The following CCDC9 variants were observed in gnomAD, a reference collection of about 807,000 sequenced individuals.
CCDC9 encodes coiled-coil domain-containing protein 9.
Under a neutral mutation model 65.6 loss-of-function variants are expected in CCDC9, and 52 were observed. That is an observed-to-expected ratio of 0.79 (90% confidence interval 0.63 to 1.00). CCDC9 has a LOEUF of 1.00. Among genes scored for constraint, CCDC9 ranks in the 50% least tolerant of loss-of-function variants. CCDC9 has a pLI of 0.00. For synonymous variants in CCDC9, 332 were observed against 280.3 expected (o/e 1.18, Z -1.84); for missense variants, 834 against 757.2 (o/e 1.10, Z -1.19).
At chr19:47,267,258 G>A (rs1036978013) in intron 8 of CCDC9, among the ~76,000 whole-genome samples, 7 of 151,242 alleles carry the variant, frequency 4.6e-5, no homozygotes, top group Admixed American at 1.3e-4. Context: ...GCCACCGCGC[G>A]CGGCCGAGCA....
chr19:47,260,810 G>A lies in CCDC9; in HGVS notation c.433G>A (p.Asp145Asn), dbSNP rs201974732. 2.5e-5 allele frequency: 40 copies of A among 1,613,354 alleles called. No individual in the cohort carries two copies. The highest frequency in any genetic ancestry group is 6.7e-5 in the Admixed American group (4 of 59,818). ...TTCACCTCACCTCTCTGGAGCTGGAGACACCTCAATCTCTGACCGTAAATC... is the reference window on the plus strand; with the variant it reads ...TTCACCTCACCTCTCTGGAGCTGGAAACACCTCAATCTCTGACCGTAAATC... ...RGSPHLSGAGDTSISDRKSKE... is the reference protein window; with the variant it reads ...RGSPHLSGAGNTSISDRKSKE... Residue 145 changes from aspartate to asparagine, a missense_variant, in exon 5 of 12, where the codon GAC (aspartate) becomes AAC (asparagine). By Grantham distance (23) the Asp-to-Asn change is conservative. Transcript: ENST00000221922.
chr19:47,272,102 GT>G (rs1380677881), downstream of CCDC9: 3 of 1,236,076 alleles, frequency 2.4e-6, no homozygotes, highest in Non-Finnish European at 3.0e-6. Flanking sequence ...TTCCCGGAGA[GT>G]GGGCCCAGCC....
In CCDC9 at chr19:47,271,826, C is replaced by T. The variant is rs2059126031; in HGVS notation, c.*148C>T. The T allele has an allele frequency of 1.4e-6, 2 of 1,427,922 alleles. No homozygotes were observed. Among genetic ancestry groups the T allele is most frequent in the Admixed American group, 2.9e-5 (1 of 34,832 alleles). The allele number at this position is 1,427,922 out of a possible 1,614,324, so 88.5% of individuals were successfully genotyped here. ...CTGGGACCCAGTGTGCCCCACAGCC[C>T]TGTCAGCTGAGGGGGTAGCGCAGCC... On this transcript the variant is annotated 3_prime_UTR_variant, in exon 12 of 12. Transcript: ENST00000221922.
At chr19:47,269,800 A>G (rs1278763617) in intron 8 of CCDC9, among the ~76,000 whole-genome samples, 1 of 152,014 alleles carries the variant, frequency 6.6e-6, no homozygotes, top group Non-Finnish European at 1.5e-5. Context: ...TTAGCTGGAG[A>G]GGTGAGGGAG....
chr19:47,273,829 C>T (rs1005705599), downstream of CCDC9: 2 of 312,334 alleles, frequency 6.4e-6, no homozygotes, highest in Non-Finnish European at 9.8e-6. Context: ...CGCAGTGCTT[C>T]CGCTCACCCT....
rs749365757 is a variant in CCDC9 at position 47,260,704 on chromosome 19, G to A, written c.327G>A (p.Ser109=). Residue 109 remains serine (S), a synonymous_variant, in exon 5 of 12, where the codon TCG becomes TCA. Coordinates refer to ENST00000221922, the MANE Select transcript of CCDC9 (RefSeq NM_015603.3). ...QGGRAGMGRA[S]RSWEGSPGEQ... ...GCCGGGCCGGCATGGGCCGAGCATC[G>A]CGCAGCTGGGAGGGCAGCCCCGGGG... 7.0e-6 allele frequency: 11 copies of A among 1,574,088 alleles called. No homozygotes were observed. The highest frequency in any genetic ancestry group is 3.8e-5 in the Admixed American group (2 of 52,532).
At chr19:47,271,030 T>A in intron 10 of CCDC9, 52 bp from the exon 11 acceptor site, 1 of 1,340,116 alleles carries the variant, frequency 7.5e-7, no homozygotes, top group Non-Finnish European at 1.0e-6. Context: ...GGAAGCCCCT[T>A]CCTCCTGTCT....
At position 47,264,775 on chromosome 19, in the gene CCDC9, A is replaced by G; in HGVS notation, c.549A>G (p.Glu183=). 2 of 1,604,988 alleles carry G rather than the reference A, an allele frequency of 1.2e-6. No individual in the cohort carries two copies. ...KIAEYERNQR[E]GVLEPNPVRN... Reference sequence around the variant, plus strand: ...ACCCCCTGCTCTGCTGCCTGCAGGAAGGGGTTCTTGAACCCAACCCAGTGC... The same window carrying G: ...ACCCCCTGCTCTGCTGCCTGCAGGAGGGGGTTCTTGAACCCAACCCAGTGC... The change falls in exon 7 of 12, where the codon GAA becomes GAG. Residue 183 remains glutamate (E), a splice_region_variant and synonymous_variant. Coordinates refer to ENST00000221922, the MANE Select transcript of CCDC9 (RefSeq NM_015603.3).
At position 47,260,417 on chromosome 19, in the gene CCDC9, G is replaced by T; in HGVS notation, c.205G>T (p.Glu69Ter). ...AGTGGAGAAGGAGAACGTGGCAGTG[G>T]AGTCGGTGAGCTCGTCACTGGGGTG... Reference protein sequence around the residue: ...RSVEKENVAVESEKNLGPSRR... With the variant: ...RSVEKENVAV Residue 69 changes from glutamate (E) to a stop codon, truncating the protein, a stop_gained, in exon 4 of 12, where the codon GAG becomes TAG. Transcript: ENST00000221922. LOFTEE classifies it high-confidence loss of function. 6.2e-7 allele frequency: 1 copy of T among 1,608,460 alleles called. No individual in the cohort carries two copies. Among genetic ancestry groups the T allele is most frequent in the Non-Finnish European group, 8.5e-7 (1 of 1,177,524 alleles).
intron 5 of CCDC9, among the ~76,000 whole-genome samples, chr19:47,262,905 G>C (rs2059055253): frequency 6.6e-6 from 1 of 152,032 alleles, no homozygotes; most frequent in Non-Finnish European, 1.5e-5. Context: ...GGGCAACAGA[G>C]TGAGACCCCA....
chr19:47,270,277 C>T (rs1236615028), intron 8 of CCDC9, 130 bp from the exon 9 acceptor site: 9 of 865,358 alleles, frequency 1.0e-5, no homozygotes, highest in African/African-American at 6.6e-5. Context: ...CCCTGTCCTA[C>T]TTCTAGTGTC....
rs764399137 is a variant in CCDC9 at position 47,260,310 on chromosome 19, T to C, written c.109-11T>C. On this transcript the variant is annotated splice_polypyrimidine_tract_variant and intron_variant, in intron 3 of 11. Coordinates refer to ENST00000221922, the MANE Select transcript of CCDC9 (RefSeq NM_015603.3). Reference sequence around the variant, plus strand: ...ACCTGATGCTTCCCTACCCCGGCTGTCTGCTCCTAGGAGATTGAGGAAGAC... The same window carrying C: ...ACCTGATGCTTCCCTACCCCGGCTGCCTGCTCCTAGGAGATTGAGGAAGAC... 1 of 1,566,150 alleles carries C rather than the reference T, an allele frequency of 6.4e-7. No individual in the cohort carries two copies. The highest frequency in any genetic ancestry group is 1.2e-5 in the South Asian group (1 of 85,724).
In CCDC9 at chr19:47,258,322, G is replaced by C; in HGVS notation, c.-71-8G>C. 1 of 1,519,766 alleles carries C rather than the reference G, an allele frequency of 6.6e-7. No individual in the cohort carries two copies. The highest frequency in any genetic ancestry group is 1.7e-5 in the Admixed American group (1 of 58,162). 94.1% of individuals were successfully genotyped at this position (1,519,766 alleles called of 1,614,324 possible). ...TGGCCTTTGTCCTTTTTTTCCCTCT[G>C]TCCCCAGGAACCCTCAGTGCTGCGT... On this transcript the variant is annotated splice_polypyrimidine_tract_variant and splice_region_variant and intron_variant, in intron 1 of 11. Coordinates refer to ENST00000221922, the MANE Select transcript of CCDC9 (RefSeq NM_015603.3).
At chr19:47,258,814 C>T (rs1042855847) in intron 3 of CCDC9, 151 bp downstream of exon 3, 20 of 635,634 alleles carry the variant, frequency 3.1e-5, no homozygotes, top group African/African-American at 1.8e-4. Context: ...TCTTTCATTC[C>T]ATTATTCATT....
chr19:47,265,433 G>A (rs917055920), intron 7 of CCDC9, among the ~76,000 whole-genome samples: 10 of 152,056 alleles, frequency 6.6e-5, no homozygotes, highest in African/African-American at 2.4e-4. Flanking sequence ...AATGACACCA[G>A]CATTTATGAG....
chr19:47,273,735 C>T (rs1179717953), downstream of CCDC9: 3 of 355,914 alleles, frequency 8.4e-6, no homozygotes, highest in Non-Finnish European at 1.5e-5. Flanking sequence ...AATCTCCCGC[C>T]TCCAGGATTG....
chr19:47,274,821 G>C, downstream of CCDC9: 1 of 854,290 alleles, frequency 1.2e-6, no homozygotes, highest in Non-Finnish European at 1.5e-6. Context: ...GGCCGGAGGC[G>C]GGCGGTTTAG....
rs1480239170 is a variant in CCDC9 at position 47,266,806 on chromosome 19, C to T, written c.902+14C>T. The T allele has an allele frequency of 1.3e-6, 2 of 1,595,268 alleles. No homozygotes were observed. Among genetic ancestry groups the T allele is most frequent in the South Asian group, 1.1e-5 (1 of 87,826 alleles). ...GACCGATGGGATGTGAGTCTCCTCC[C>T]CGCTCCTCTCCCCATGTGGCACGTT... On this transcript the variant is annotated intron_variant, in intron 8 of 11. Coordinates refer to ENST00000221922, the MANE Select transcript of CCDC9 (RefSeq NM_015603.3).
At chr19:47,275,121 C>T, downstream of CCDC9, 2 of 1,490,590 alleles carry the variant, frequency 1.3e-6, no homozygotes, top group Non-Finnish European at 1.8e-6. Flanking sequence ...CGCCGGCCCA[C>T]AGCCCAGCGC....
Sources: allele counts gnomAD v4.1 joint callset (sites outside exome capture counted in the v4.1 genomes callset), GRCh38; gene constraint gnomAD v4.1.1; transcripts MANE v1.5; gene names NCBI Gene and HGNC (gene_info 2026-07-23, HGNC 2026-07-21).